Variants in RPTOR observed in about 807,000 individuals in gnomAD.
RPTOR encodes regulatory-associated protein of mTOR.
RPTOR carries 21 observed loss-of-function variants against 169.9 expected under a neutral mutation model. The ratio of observed to expected loss-of-function variants is 0.12; its 90% CI spans 0.09 to 0.18. The LOEUF is 0.18. Among genes scored for constraint, RPTOR ranks in the 10% least tolerant of loss-of-function variants. RPTOR has a pLI of 1.00. For synonymous variants in RPTOR, 732 were observed against 753.2 expected, an observed-to-expected ratio of 0.97 and a Z score of 0.46; for missense variants, 1,133 against 1,855.9, an observed-to-expected ratio of 0.61 and a Z score of 7.16.
At position 80,634,182 on chromosome 17, in the gene RPTOR, C is replaced by CGCATACTGTGTGT. The variant is rs1391388411; in HGVS notation, c.265+8415_265+8427dup. ...TGTGTGTGTGCATACTGTGTGTGTG[C>CGCATACTGTGTGT]GCATACTGTGTGTGCATACTGTGTG... On this transcript the variant is annotated intron_variant, in intron 2 of 33. Coordinates refer to ENST00000306801, the MANE Select transcript of RPTOR (RefSeq NM_020761.3). Among the ~76,000 whole-genome samples the CGCATACTGTGTGT allele has an allele frequency of 2.8e-4, 29 of 103,074 alleles. No homozygotes were observed. The East Asian group carries it at 5.2e-3, about 19-fold the overall frequency. The allele number at this position is 103,074 out of a possible 152,430, so 67.6% of individuals were successfully genotyped here.
Position 80,883,973 on chromosome 17 carries a change from G to A in RPTOR, c.1842+1G>A, listed in dbSNP as rs2143840301. ...CCTCCTCTCCGACCCCATTCCCGAG[G>A]TGAGTCAGGCGGGGGCTCAGAGTCC... On this transcript the variant is annotated splice_donor_variant, in intron 16 of 33. Coordinates refer to ENST00000306801, the MANE Select transcript of RPTOR (RefSeq NM_020761.3). LOFTEE classifies it high-confidence loss of function. 6.2e-7 allele frequency: 1 copy of A among 1,606,886 alleles called. No homozygotes were observed. The highest frequency in any genetic ancestry group is 1.1e-5 in the South Asian group (1 of 90,882).
In RPTOR at chr17:80,895,848, G is replaced by A. The variant is rs376824352; in HGVS notation, c.2401+1983G>A. Among the ~76,000 whole-genome samples the A allele has an allele frequency of 3.9e-5, 6 of 152,232 alleles. No individual in the cohort carries two copies. The East Asian group carries it at 7.7e-4, about 20-fold the overall frequency. On this transcript the variant is annotated intron_variant, in intron 20 of 33. Transcript: ENST00000306801. ...TTGCATCTGCCTTGATTGCAGTGAG[G>A]TTACAGCCTTGCAGCCTTACAGACT...
intron 7 of RPTOR, among the ~76,000 whole-genome samples, chr17:80,799,015 AC>A (rs1340281554): frequency 6.6e-6 from 1 of 151,864 alleles, no homozygotes; most frequent in Non-Finnish European, 1.5e-5. Context: ...TGCCGGCATG[AC>A]CTCCCTGGGG....
intron 21 of RPTOR, among the ~76,000 whole-genome samples, chr17:80,911,890 A>G (rs7220598): frequency 0.9 from 137,324 of 152,254 alleles, 62,109 homozygotes; most frequent in African/African-American, 0.95. Context: ...AAAGAAAGTC[A>G]TAAGACTGCA....
At chr17:80,772,714 T>G (rs1280823160) in intron 6 of RPTOR, among the ~76,000 whole-genome samples, 1 of 152,000 alleles carries the variant, frequency 6.6e-6, no homozygotes, top group Non-Finnish European at 1.5e-5. Context: ...ATTATTGAGT[T>G]TGTAAGCAAA....
rs527637825 is a variant in RPTOR at position 80,957,096 on chromosome 17, G to A, written c.3371-528G>A. 2.7e-5 allele frequency among the ~76,000 whole-genome samples: 4 copies of A among 150,766 alleles called. No individual in the cohort carries two copies. Among genetic ancestry groups the A allele is most frequent in the African/African-American group, 9.9e-5 (4 of 40,564 alleles). ...GAATTGTCACCCCGGCCTGGACTTG[G>A]GAGTTCCAGCTTAGAACTGTCACCC... On this transcript the variant is annotated intron_variant, in intron 28 of 33. Transcript: ENST00000306801. The surrounding 1 kb of genome is among the most constrained non-coding windows in gnomAD (Gnocchi z 4.6).
intron 2 of RPTOR, among the ~76,000 whole-genome samples, chr17:80,640,655 G>T (rs1158320224): frequency 1.3e-5 from 2 of 152,222 alleles, no homozygotes; most frequent in Non-Finnish European, 2.9e-5. Flanking sequence ...ACTAACGAGG[G>T]CCGCCATGTC....
rs963755611 is a variant in RPTOR, at chr17:80,960,626, C to T, written c.3605+421C>T. On this transcript the variant is annotated intron_variant, in intron 30 of 33. Coordinates refer to ENST00000306801, the MANE Select transcript of RPTOR (RefSeq NM_020761.3). The surrounding 1 kb of genome is among the most constrained non-coding windows in gnomAD (Gnocchi z 4.8). ...GGGGAGGGATGTCTGAGGGCACACA[C>T]GTGGGCACAGCAGCCCTGGGCACTG... The T allele has an allele frequency of 7.7e-5, 18 of 233,960 alleles. No homozygotes were observed. The highest frequency in any genetic ancestry group is 1.2e-4 in the Non-Finnish European group (14 of 114,266). 14.5% of individuals were successfully genotyped at this position (233,960 alleles called of 1,614,324 possible).
At chr17:80,545,865 T>G in intron 1 of RPTOR, 74 bp downstream of exon 1, 1 of 1,340,910 alleles carries the variant, frequency 7.5e-7, no homozygotes, top group Non-Finnish European at 1.0e-6. Flanking sequence ...CCGAAAAGTG[T>G]CCTTGGGAAA....
chr17:80,919,615 C>CTCAT (rs2068720338), intron 21 of RPTOR, among the ~76,000 whole-genome samples: 1 of 152,228 alleles, frequency 6.6e-6, no homozygotes, highest in South Asian at 2.1e-4. Context: ...CAGGGTGGGT[C>CTCAT]TCATTCCAGT....
At chr17:80,963,751 C>T (rs2069381337) in intron 33 of RPTOR, among the ~76,000 whole-genome samples, 1 of 118,374 alleles carries the variant, frequency 8.4e-6, no homozygotes, top group Non-Finnish European at 1.8e-5. Context: ...GTCCCCTCTG[C>T]GGCCCTCACC....
intron 1 of RPTOR, among the ~76,000 whole-genome samples, chr17:80,579,268 A>G (rs1221499998): frequency 2.0e-5 from 3 of 152,100 alleles, no homozygotes; most frequent in East Asian, 3.9e-4. Flanking sequence ...ATCTCGGCTC[A>G]CCGCAACCTC....
At chr17:80,752,268 G>A (rs1239436664) in intron 5 of RPTOR, among the ~76,000 whole-genome samples, 1 of 152,228 alleles carries the variant, frequency 6.6e-6, no homozygotes, top group African/African-American at 2.4e-5. Context: ...TGATAGTGCA[G>A]GAGGGACTTT....
chr17:80,765,432 G>A (rs968004113), intron 6 of RPTOR, among the ~76,000 whole-genome samples: 1 of 152,144 alleles, frequency 6.6e-6, no homozygotes, highest in Non-Finnish European at 1.5e-5. Context: ...GTTTCTTAAC[G>A]TTTGGTTGAC....
At chr17:80,553,759 TA>T (rs1555712921) in intron 1 of RPTOR, among the ~76,000 whole-genome samples, 3 of 151,874 alleles carry the variant, frequency 2.0e-5, no homozygotes, top group Admixed American at 2.0e-4. Context: ...TCTTTTTTTT[TA>T]AGACGGAATC....
chr17:80,828,148 G>A lies in RPTOR; in HGVS notation c.1136+4925G>A, dbSNP rs1003399958. 1.6e-4 allele frequency among the ~76,000 whole-genome samples: 25 copies of A among 152,290 alleles called. No individual in the cohort carries two copies. The South Asian group carries it at 1.7e-3, about 10-fold the overall frequency. ...TGTTACACATGGCCACTGTGCTGGC[G>A]GATCACAGCATCGTTGTCAGCGTGA... On this transcript the variant is annotated intron_variant, in intron 9 of 33. Coordinates refer to ENST00000306801, the MANE Select transcript of RPTOR (RefSeq NM_020761.3).
At chr17:80,831,698 C>T (rs1178928778) in intron 9 of RPTOR, among the ~76,000 whole-genome samples, 1 of 152,062 alleles carries the variant, frequency 6.6e-6, no homozygotes, top group Non-Finnish European at 1.5e-5. Flanking sequence ...ACTATGTATC[C>T]CTGTGTGTCA....
At chr17:80,780,839 T>C (rs767288201) in intron 6 of RPTOR, among the ~76,000 whole-genome samples, 8 of 152,132 alleles carry the variant, frequency 5.3e-5, no homozygotes, top group Non-Finnish European at 5.9e-5. Context: ...TTCACCTTAC[T>C]CTGTTTTCCT....
chr17:80,896,998 C>G (rs1212521897), intron 20 of RPTOR, among the ~76,000 whole-genome samples: 1 of 152,210 alleles, frequency 6.6e-6, no homozygotes, highest in South Asian at 2.1e-4. Context: ...CGGTCCCTCA[C>G]GCCTGTAATC....
Sources: gnomAD v4.1 joint callset for allele counts (sites outside exome capture counted in the v4.1 genomes callset) on GRCh38, gnomAD v4.1.1 for gene constraint, Gnocchi (gnomAD v3.1) non-coding constraint, MANE v1.5 for transcripts, NCBI Gene and HGNC (gene_info 2026-07-23, HGNC 2026-07-21) for gene names.